Variants in CCT2 observed in about 807,000 individuals in gnomAD.
The protein encoded by CCT2 is T-complex protein 1 subunit beta.
In CCT2, 18 loss-of-function variants were observed where a neutral mutation model predicts 61.8. The observed-to-expected ratio is 0.29, with a 90% CI of 0.20 to 0.43. The LOEUF (loss-of-function observed/expected upper bound fraction) is 0.43, where lower values mean the gene tolerates loss of function less well. CCT2 is among the 20% of genes least tolerant of loss of function. The pLI is 1.00. For missense variants in CCT2, 556 were observed against 656.9 expected (o/e 0.85, Z 1.68); for synonymous variants, 248 against 215.9 (o/e 1.15, Z -1.30).
chr12:69,597,486 A>G, intron 11 of CCT2, 152 bp from the exon 12 acceptor site: 1 of 1,031,686 alleles, frequency 9.7e-7, no homozygotes, highest in Non-Finnish European at 1.4e-6. Context: ...TTCCTTGATA[A>G]CTTAGAACCA....
At position 69,593,006 on chromosome 12, in the gene CCT2, A is replaced by G; in HGVS notation, c.781A>G (p.Thr261Ala). Residue 261 changes from threonine (T) to alanine (A), a missense_variant, in exon 9 of 16, where the codon ACA becomes GCA. Transcript: ENST00000299300. ...IFGSRVRVDS[T>A]AKVAEIEHAE... The stretch of plus-strand genomic sequence containing the variant: ...TGGTTCCCGGGTAAGAGTTGACTCT[A>G]CAGCAAAGGTTGCAGAAATAGAACA... 2 of 1,613,748 alleles carry G rather than the reference A, an allele frequency of 1.2e-6. No homozygotes were observed. The highest frequency in any genetic ancestry group is 2.2e-5 in the South Asian group (2 of 91,070).
intron 3 of CCT2, chr12:69,587,150 C>T (rs1253826645): frequency 6.3e-6 from 2 of 319,418 alleles, no homozygotes; most frequent in African/African-American, 4.3e-5. Flanking sequence ...GTAGCTTGCT[C>T]TTTTAAATTC....
intron 3 of CCT2, among the ~76,000 whole-genome samples, 158 bp from the exon 4 acceptor site, chr12:69,587,347 G>A (rs1565797759): frequency 6.6e-6 from 1 of 152,160 alleles, no homozygotes; most frequent in Non-Finnish European, 1.5e-5. Flanking sequence ...ACATGGTTTG[G>A]TTACGTGGTG....
At chr12:69,597,613 T>C (rs1004651217) in intron 11 of CCT2, 25 bp from the exon 12 acceptor site, 6 of 1,607,284 alleles carry the variant, frequency 3.7e-6, no homozygotes, top group Non-Finnish European at 4.2e-6. Context: ...TATCCCTAAG[T>C]GGTCACTGTG....
chr12:69,599,937 C>G lies in CCT2; in HGVS notation c.1510C>G (p.Leu504Val). ...TESFQVKRQVLLSAAEAAEVI... is the reference protein window; with the variant it reads ...TESFQVKRQVVLSAAEAAEVI... The stretch of plus-strand genomic sequence containing the variant: ...AAGTTTTCAAGTGAAGCGACAGGTT[C>G]TTCTGAGTGCAGCTGAAGCAGCAGA... The change falls in exon 15 of 16, where the codon CTT (leucine) becomes GTT (valine). Residue 504 changes from leucine to valine, a missense_variant. Leu to Val is a conservative substitution (Grantham distance 32). Coordinates refer to ENST00000299300, the MANE Select transcript of CCT2 (RefSeq NM_006431.3). The G allele has an allele frequency of 6.2e-7, 1 of 1,614,008 alleles. No homozygotes were observed. Among genetic ancestry groups the G allele is most frequent in the Non-Finnish European group, 8.5e-7 (1 of 1,179,904 alleles).
At chr12:69,586,717 A>G in intron 2 of CCT2, 36 bp from the exon 3 acceptor site, 3 of 1,439,128 alleles carry the variant, frequency 2.1e-6, no homozygotes, top group Non-Finnish European at 1.9e-6. Context: ...AAGACTGTAA[A>G]GTTGATTCTG....
At position 69,586,266 on chromosome 12, in the gene CCT2, T is replaced by C. The variant is rs1881652249; in HGVS notation, c.4-4T>C. On this transcript the variant is annotated splice_polypyrimidine_tract_variant and splice_region_variant and intron_variant, in intron 1 of 15. Coordinates refer to ENST00000299300, the MANE Select transcript of CCT2 (RefSeq NM_006431.3). ...ACGGAATGCCTCTTGGTTTTCCTTT[T>C]CAGGCGTCCCTTTCCCTTGCACCTG... 1 of 1,611,656 alleles carries C rather than the reference T, an allele frequency of 6.2e-7. No individual in the cohort carries two copies. The highest frequency in any genetic ancestry group is 8.5e-7 in the Non-Finnish European group (1 of 1,177,682).
chr12:69,586,549 T>C (rs1881665364), intron 2 of CCT2, among the ~76,000 whole-genome samples: 1 of 151,884 alleles, frequency 6.6e-6, no homozygotes, highest in South Asian at 2.1e-4. Flanking sequence ...GCACCTGTAA[T>C]CCCAGCTACT....
intron 14 of CCT2, among the ~76,000 whole-genome samples, chr12:69,598,878 TG>T (rs1055617777): frequency 2.6e-5 from 4 of 152,230 alleles, no homozygotes; most frequent in Non-Finnish European, 5.9e-5. Context: ...CAAGCTGTGC[TG>T]GACATTATAG....
At position 69,585,674 on chromosome 12, in the gene CCT2, C is replaced by T. The variant is rs1405464234; in HGVS notation, c.3+150C>T. ...TGCGAGCCATGCGCGGGGCGTGCGGCCTGCGCCAGGCCAGCCGGTGGAGCT... is the reference window on the plus strand; with the variant it reads ...TGCGAGCCATGCGCGGGGCGTGCGGTCTGCGCCAGGCCAGCCGGTGGAGCT... On this transcript the variant is annotated intron_variant, in intron 1 of 15. Coordinates refer to ENST00000299300, the MANE Select transcript of CCT2 (RefSeq NM_006431.3). The T allele has an allele frequency of 7.9e-6, 12 of 1,520,480 alleles. No individual in the cohort carries two copies. In the Admixed American group the frequency reaches 2.4e-4, roughly 31 times the overall value. 94.2% of individuals were successfully genotyped at this position (1,520,480 alleles called of 1,614,324 possible).
chr12:69,590,758 C>A (rs1290522214), intron 7 of CCT2, among the ~76,000 whole-genome samples: 2 of 149,130 alleles, frequency 1.3e-5, no homozygotes, highest in Non-Finnish European at 3.0e-5. Flanking sequence ...GCTGTGTCAC[C>A]CAGGCTGGAG....
Position 69,592,147 on chromosome 12 carries a change from A to G in CCT2, c.738A>G (p.Thr246=). 1 of 1,553,958 alleles carries G rather than the reference A, an allele frequency of 6.4e-7. No individual in the cohort carries two copies. Among genetic ancestry groups the G allele is most frequent in the African/African-American group, 1.4e-5 (1 of 73,738 alleles). The change falls in exon 8 of 16, where the codon ACA becomes ACG. Residue 246 remains threonine, a synonymous_variant. Transcript: ENST00000299300. ...KILIANTGMD[T]DKIKIFGSRV... Reference sequence around the variant, plus strand: ...TTATTGCAAATACTGGTATGGATACAGACAAAATAAAGGTATGTAACTCTA... The same window carrying G: ...TTATTGCAAATACTGGTATGGATACGGACAAAATAAAGGTATGTAACTCTA...
At position 69,601,343 on chromosome 12, in the gene CCT2, C is replaced by T. The variant is rs11541106; in HGVS notation, c.*18C>T. ...CCTGTTAAGCATTCCCACGTGCTGTCGATCTTTGGACCAGTTTCTAGCAAA... is the reference window on the plus strand; with the variant it reads ...CCTGTTAAGCATTCCCACGTGCTGTTGATCTTTGGACCAGTTTCTAGCAAA... On this transcript the variant is annotated 3_prime_UTR_variant, in exon 16 of 16. Transcript: ENST00000299300. The T allele has an allele frequency of 1.3e-5, 21 of 1,613,668 alleles. No homozygotes were observed. Among genetic ancestry groups the T allele is most frequent in the African/African-American group, 2.7e-5 (2 of 74,880 alleles).
intron 1 of CCT2, 179 bp downstream of exon 1, chr12:69,585,703 C>T: frequency 2.7e-6 from 4 of 1,492,770 alleles, no homozygotes; most frequent in Non-Finnish European, 2.7e-6. Context: ...TGGAGCTCAC[C>T]ACGAGGGGGA....
In CCT2 at chr12:69,592,169, T is replaced by C; in HGVS notation, c.750+10T>C. On this transcript the variant is annotated intron_variant, in intron 8 of 15. Coordinates refer to ENST00000299300, the MANE Select transcript of CCT2 (RefSeq NM_006431.3). ...TACAGACAAAATAAAGGTATGTAAC[T>C]CTACTTTTTAAAAATTAAAATTACT... 6.9e-7 allele frequency: 1 copy of C among 1,450,682 alleles called. No homozygotes were observed. Among genetic ancestry groups the C allele is most frequent in the Non-Finnish European group, 9.6e-7 (1 of 1,037,922 alleles). 89.9% of individuals were successfully genotyped at this position (1,450,682 alleles called of 1,614,324 possible). A position where few individuals can be genotyped will look rare whatever the true frequency, so the allele number is the denominator to read the frequency against.
At chr12:69,598,460 GTAACTCTTTTCACTA>G in intron 14 of CCT2, 39 bp downstream of exon 14, 1 of 1,299,968 alleles carries the variant, frequency 7.7e-7, no homozygotes, top group Non-Finnish European at 1.1e-6. Flanking sequence ...GTTGTTAAAA[GTAACTCTTTTCACTA>G]AGCTTTTTTT....
At chr12:69,587,124 TTATC>T (rs1324850597) in intron 3 of CCT2, 2 of 330,212 alleles carry the variant, frequency 6.1e-6, no homozygotes, top group Non-Finnish European at 5.4e-6. Context: ...CAGATACTAT[TTATC>T]AATACTTTTT....
At chr12:69,594,511 T>G (rs1399631005) in intron 10 of CCT2, among the ~76,000 whole-genome samples, 1 of 152,358 alleles carries the variant, frequency 6.6e-6, no homozygotes, top group Admixed American at 6.5e-5. Context: ...ATTCCAGTTG[T>G]GTCAAATAGA....
intron 4 of CCT2, 38 bp from the exon 5 acceptor site, chr12:69,587,888 CAAAG>C (rs763805890): frequency 4.8e-6 from 7 of 1,454,012 alleles, no homozygotes; most frequent in Non-Finnish European, 6.8e-6. Flanking sequence ...ATTTAGTAAG[CAAAG>C]AAGCAATTTT....
Sources: gnomAD v4.1 joint callset for allele counts (sites outside exome capture counted in the v4.1 genomes callset) on GRCh38, gnomAD v4.1.1 for gene constraint, MANE v1.5 for transcripts, NCBI Gene and HGNC (gene_info 2026-07-23, HGNC 2026-07-21) for gene names.